The following DLGAP1 variants were observed in gnomAD, a reference collection of about 807,000 sequenced individuals.
The protein encoded by DLGAP1 is DLG associated protein 1, also known as disks large-associated protein 1.
In DLGAP1, 11 loss-of-function variants were observed where a neutral mutation model predicts 90.8. The ratio of observed to expected loss-of-function variants is 0.12; its 90% CI spans 0.08 to 0.20. DLGAP1 has a LOEUF of 0.20. DLGAP1 is among the 10% of genes least tolerant of loss of function. The probability of loss-of-function intolerance (pLI) is 1.00; values close to 1 mark genes in which losing one functional copy is unlikely to be tolerated. For missense variants in DLGAP1, 1,050 were observed against 1,333.8 expected (o/e 0.79, Z 3.31); for synonymous variants, 558 against 540.7 (o/e 1.03, Z -0.44).
At chr18:3,940,643 G>A (rs563497585) in intron 3 of DLGAP1, among the ~76,000 whole-genome samples, 5 of 152,212 alleles carry the variant, frequency 3.3e-5, no homozygotes, top group East Asian at 1.9e-4. Flanking sequence ...AAATCAAGTC[G>A]TATAAAACTG....
intron 7 of DLGAP1, among the ~76,000 whole-genome samples, chr18:3,625,867 C>T (rs1413566711): frequency 6.6e-6 from 1 of 152,196 alleles, no homozygotes; most frequent in Non-Finnish European, 1.5e-5. Context: ...CTCCCCTGAC[C>T]CAGGGAGTTG....
chr18:3,736,696 G>C (rs1279112804), intron 6 of DLGAP1, among the ~76,000 whole-genome samples: 1 of 152,126 alleles, frequency 6.6e-6, no homozygotes, highest in African/African-American at 2.4e-5. Flanking sequence ...AACTACAACA[G>C]GACGTTTGAA....
At chr18:4,130,889 G>C (rs2076303319) in intron 2 of DLGAP1, among the ~76,000 whole-genome samples, 1 of 152,078 alleles carries the variant, frequency 6.6e-6, no homozygotes, top group Non-Finnish European at 1.5e-5. Flanking sequence ...AAAACTGTGA[G>C]AAAATCATCC....
intron 2 of DLGAP1, among the ~76,000 whole-genome samples, chr18:4,020,353 G>T (rs1027427021): frequency 3.3e-5 from 5 of 152,144 alleles, no homozygotes; most frequent in Non-Finnish European, 5.9e-5. Flanking sequence ...CCAAGGTTTA[G>T]CTACATGAAT....
At chr18:4,324,625 A>G (rs1021056815) in intron 1 of DLGAP1, among the ~76,000 whole-genome samples, 1 of 152,108 alleles carries the variant, frequency 6.6e-6, no homozygotes, top group Non-Finnish European at 1.5e-5. Flanking sequence ...TCAACAAAAT[A>G]CTACCAAATC....
At chr18:3,715,341 G>A (rs78353977) in intron 7 of DLGAP1, among the ~76,000 whole-genome samples, 227 of 152,332 alleles carry the variant, frequency 1.5e-3, no homozygotes, top group African/African-American at 5.3e-3. Flanking sequence ...GAAGGGAAAG[G>A]CACAGGCTGC....
intron 7 of DLGAP1, among the ~76,000 whole-genome samples, chr18:3,700,455 A>G (rs918445948): frequency 5.3e-5 from 8 of 152,010 alleles, no homozygotes; most frequent in Non-Finnish European, 1.2e-4. Flanking sequence ...GGCTATACCC[A>G]CTATCTAACC....
chr18:4,383,571 G>A lies in DLGAP1; in HGVS notation c.-267+71435C>T, dbSNP rs192474921. ...GCTCTGTATGCACTTAGACAAAACC[G>A]AGTATCCTTGCTCATTAAAAAAAAA... is the stretch of plus-strand genomic sequence containing the variant. On this transcript the variant is annotated intron_variant, in intron 1 of 12. Coordinates refer to ENST00000315677, the MANE Select transcript of DLGAP1 (RefSeq NM_004746.4). The surrounding 1 kb of genome is among the most constrained non-coding windows in gnomAD (Gnocchi z 4.0). Among the ~76,000 whole-genome samples, 36 of 151,918 alleles carry A rather than the reference G, an allele frequency of 2.4e-4. 1 individual carries two copies. Among genetic ancestry groups the A allele is most frequent in the Middle Eastern group, 3.4e-3 (1 of 294 alleles).
At chr18:3,971,853 A>T (rs1415086815) in intron 3 of DLGAP1, among the ~76,000 whole-genome samples, 1 of 152,210 alleles carries the variant, frequency 6.6e-6, no homozygotes, top group Non-Finnish European at 1.5e-5. Context: ...TTTAATAAGC[A>T]TAATAATTTT....
chr18:3,694,896 G>A (rs1316923076), intron 7 of DLGAP1, among the ~76,000 whole-genome samples: 1 of 148,520 alleles, frequency 6.7e-6, no homozygotes, highest in Non-Finnish European at 1.5e-5. Context: ...GATCCCATTT[G>A]TCAATTTTGG....
chr18:4,388,800 A>G (rs2082285405), intron 1 of DLGAP1, among the ~76,000 whole-genome samples: 1 of 152,152 alleles, frequency 6.6e-6, no homozygotes, highest in Admixed American at 6.5e-5. Flanking sequence ...AACAACCACA[A>G]TGAGATATCA....
At chr18:4,282,968 G>C (rs1471588214) in intron 1 of DLGAP1, among the ~76,000 whole-genome samples, 1 of 152,148 alleles carries the variant, frequency 6.6e-6, no homozygotes, top group Non-Finnish European at 1.5e-5. Context: ...TCTGTTCAAA[G>C]TGTCAACTTT....
chr18:4,023,066 C>T (rs201944363), intron 2 of DLGAP1, among the ~76,000 whole-genome samples: 65 of 151,696 alleles, frequency 4.3e-4, no homozygotes, highest in African/African-American at 1.5e-3. Flanking sequence ...TATATATCTT[C>T]GCCAGCATTT....
intron 1 of DLGAP1, among the ~76,000 whole-genome samples, chr18:4,238,490 C>T (rs1032294958): frequency 3.9e-5 from 6 of 152,070 alleles, no homozygotes; most frequent in African/African-American, 7.2e-5. Context: ...GCAGAAAAGA[C>T]GTCTCAGTGT....
chr18:3,940,502 G>GTGAACTC (rs2072745217), intron 3 of DLGAP1, among the ~76,000 whole-genome samples: 2 of 152,222 alleles, frequency 1.3e-5, no homozygotes, highest in African/African-American at 4.8e-5. Context: ...ACTAAGAGTT[G>GTGAACTC]TTGAGAAGTA....
chr18:3,693,756 G>T (rs1158326032), intron 7 of DLGAP1, among the ~76,000 whole-genome samples: 1 of 152,168 alleles, frequency 6.6e-6, no homozygotes, highest in Non-Finnish European at 1.5e-5. Flanking sequence ...TATTGAAAAG[G>T]ACAAAAGGGA....
chr18:4,121,753 G>A (rs751311072), intron 2 of DLGAP1, among the ~76,000 whole-genome samples: 4 of 152,060 alleles, frequency 2.6e-5, no homozygotes, highest in South Asian at 4.1e-4. Flanking sequence ...TGTACCCATC[G>A]TGATAGTCCT....
intron 3 of DLGAP1, among the ~76,000 whole-genome samples, chr18:3,972,072 A>G (rs2149006575): frequency 6.6e-6 from 1 of 152,316 alleles, no homozygotes; most frequent in South Asian, 2.1e-4. Flanking sequence ...GTAATGTGTA[A>G]GGTTTCAGTT....
At chr18:4,232,717 C>T (rs1286108299) in intron 1 of DLGAP1, among the ~76,000 whole-genome samples, 1 of 152,110 alleles carries the variant, frequency 6.6e-6, no homozygotes, top group African/African-American at 2.4e-5. Context: ...GTAACTCAAT[C>T]CATGGTCAAG....
Sources: gnomAD v4.1 joint callset for allele counts (sites outside exome capture counted in the v4.1 genomes callset) on GRCh38, gnomAD v4.1.1 for gene constraint, Gnocchi (gnomAD v3.1) non-coding constraint, MANE v1.5 for transcripts, NCBI Gene and HGNC (gene_info 2026-07-23, HGNC 2026-07-21) for gene names.